PRELID2: variants seen among roughly 807,000 people sequenced by gnomAD.
The protein encoded by PRELID2 is PRELI domain-containing protein 2.
PRELID2 carries 25 observed loss-of-function variants against 28.4 expected under a neutral mutation model. That is an observed-to-expected ratio of 0.88 (90% CI 0.64 to 1.23). The LOEUF is 1.23. Among genes scored for constraint, PRELID2 ranks in the 50% most tolerant of loss-of-function variants. PRELID2 has a pLI of 0.00. For missense variants in PRELID2, 201 were observed against 214.4 expected (o/e 0.94, Z 0.39); for synonymous variants, 76 against 71.6 (o/e 1.06, Z -0.31).
the PRELID2 span, among the ~76,000 whole-genome samples, chr5:145,425,179 A>C: frequency 1.3e-5 from 2 of 152,232 alleles, no homozygotes; most frequent in African/African-American, 4.8e-5. Flanking sequence ...CTGATCATTA[A>C]AGAAATGCAA....
At chr5:145,389,701 GA>G in the PRELID2 span, among the ~76,000 whole-genome samples, 2 of 151,868 alleles carry the variant, frequency 1.3e-5, no homozygotes, top group East Asian at 1.9e-4. Context: ...AATTTGGAAG[GA>G]AAAAAAGAGA....
intron 1 of PRELID2, among the ~76,000 whole-genome samples, chr5:145,603,366 C>A (rs1411950458): frequency 1.4e-5 from 2 of 144,064 alleles, no homozygotes; most frequent in Non-Finnish European, 2.9e-5. Context: ...AAATGTAAAC[C>A]AGGGGCTAAC....
At chr5:145,424,046 TC>T in the PRELID2 span, among the ~76,000 whole-genome samples, 1 of 147,532 alleles carries the variant, frequency 6.8e-6, no homozygotes, top group Non-Finnish European at 1.5e-5. Context: ...GTTAGGCTGC[TC>T]GGGGGTCAGG....
chr5:145,776,953 G>GT (rs767745249), intron 5 of PRELID2, among the ~76,000 whole-genome samples: 17 of 152,168 alleles, frequency 1.1e-4, no homozygotes, highest in Non-Finnish European at 2.1e-4. Flanking sequence ...ATTAAGGCTT[G>GT]TATTTTTAAA....
At chr5:145,763,977 G>A (rs987767302) in intron 6 of PRELID2, among the ~76,000 whole-genome samples, 74 of 152,116 alleles carry the variant, frequency 4.9e-4, no homozygotes, top group African/African-American at 1.7e-3. Context: ...TCGGGAGACT[G>A]AAGCAGGAGA....
chr5:145,619,348 G>C (rs748216886), intron 1 of PRELID2, among the ~76,000 whole-genome samples: 1 of 152,180 alleles, frequency 6.6e-6, no homozygotes, highest in African/African-American at 2.4e-5. Flanking sequence ...GGCCTGTGTG[G>C]GGACGCAGGA....
At chr5:145,394,983 T>G in the PRELID2 span, among the ~76,000 whole-genome samples, 1 of 152,094 alleles carries the variant, frequency 6.6e-6, no homozygotes, top group East Asian at 1.9e-4. Flanking sequence ...TCATCTTAAT[T>G]TTTTCTCCTA....
At chr5:145,611,684 C>G (rs1450647473) in intron 1 of PRELID2, among the ~76,000 whole-genome samples, 1 of 152,068 alleles carries the variant, frequency 6.6e-6, no homozygotes, top group Admixed American at 6.5e-5. Context: ...AAAGACACAA[C>G]TTTTTTAAAA....
intron 1 of PRELID2, among the ~76,000 whole-genome samples, chr5:145,520,693 G>C (rs1002724661): frequency 2.6e-5 from 4 of 152,006 alleles, no homozygotes; most frequent in Admixed American, 1.3e-4. Context: ...CTATAAATGT[G>C]TCGTAATTAA....
chr5:145,309,144 C>T, the PRELID2 span, among the ~76,000 whole-genome samples: 6 of 152,094 alleles, frequency 3.9e-5, no homozygotes, highest in African/African-American at 1.4e-4. Flanking sequence ...GTGTTTGATG[C>T]CTGAGGTCTT....
At chr5:145,603,048 A>G (rs1004716314) in intron 1 of PRELID2, among the ~76,000 whole-genome samples, 7 of 152,128 alleles carry the variant, frequency 4.6e-5, no homozygotes, top group Non-Finnish European at 8.8e-5. Context: ...GCAAAACTCC[A>G]TCTCAAGAAA....
chr5:145,724,925 T>C (rs1408880498), intron 1 of PRELID2, among the ~76,000 whole-genome samples: 1 of 151,214 alleles, frequency 6.6e-6, no homozygotes, highest in Non-Finnish European at 1.5e-5. Context: ...TAAATTTTTG[T>C]AGAAATGAGG....
chr5:145,831,511 C>T (rs1231797011), intron 1 of PRELID2, among the ~76,000 whole-genome samples: 1 of 152,168 alleles, frequency 6.6e-6, no homozygotes, highest in Non-Finnish European at 1.5e-5. Flanking sequence ...GATCAAGATC[C>T]AGGTCTACTG....
Position 145,477,189 on chromosome 5 carries a change from C to T in PRELID2, n.71-3874G>A, listed in dbSNP as rs1483827289. ...AGAGAGGATACAGAGATTTATAAAA[C>T]TGGAAAGACCAAGATTGGATCTTTG... On this transcript the variant is annotated intron_variant and non_coding_transcript_variant, in intron 1 of 2. Coordinates refer to the PRELID2 transcript ENST00000510259. 2.0e-5 allele frequency among the ~76,000 whole-genome samples: 3 copies of T among 152,156 alleles called. No homozygotes were observed. In the East Asian group the frequency reaches 5.8e-4, roughly 29 times the overall value.
the PRELID2 span, among the ~76,000 whole-genome samples, chr5:145,336,762 C>A: frequency 6.6e-6 from 1 of 151,912 alleles, no homozygotes; most frequent in Non-Finnish European, 1.5e-5. Flanking sequence ...CACATATACA[C>A]CATGGAATAC....
the PRELID2 span, among the ~76,000 whole-genome samples, chr5:145,253,011 G>A: frequency 6.6e-6 from 1 of 152,126 alleles, no homozygotes; most frequent in Non-Finnish European, 1.5e-5. Context: ...AAGATTGATA[G>A]AAATTATTAG....
the PRELID2 span, among the ~76,000 whole-genome samples, chr5:145,238,187 G>A: frequency 6.6e-6 from 1 of 152,132 alleles, no homozygotes; most frequent in Non-Finnish European, 1.5e-5. Context: ...AAAGAGGACA[G>A]AAGAGAAGCA....
At chr5:145,545,540 C>A (rs1386739667) in intron 1 of PRELID2, among the ~76,000 whole-genome samples, 1 of 151,822 alleles carries the variant, frequency 6.6e-6, no homozygotes, top group African/African-American at 2.4e-5. Flanking sequence ...TGGTCAAATT[C>A]TTTGAGGACT....
chr5:145,451,546 A>G, the PRELID2 span, among the ~76,000 whole-genome samples: 1,187 of 152,150 alleles, frequency 7.8e-3, 16 homozygotes, highest in African/African-American at 0.024. Context: ...ACCTCTCCTC[A>G]TGATCCTCCA....
Sources: allele counts gnomAD v4.1 joint callset (sites outside exome capture counted in the v4.1 genomes callset), GRCh38; gene constraint gnomAD v4.1.1; transcripts MANE v1.5; gene names NCBI Gene and HGNC (gene_info 2026-07-23, HGNC 2026-07-21).